ABCD2: variants seen among roughly 807,000 people sequenced by gnomAD.
ABCD2 encodes ATP binding cassette subfamily D member 2.
In ABCD2, 36 loss-of-function variants were observed where a neutral mutation model predicts 70.9. That is an observed-to-expected ratio of 0.51 (90% CI 0.39 to 0.67). ABCD2 has a LOEUF of 0.67. ABCD2 is among the 30% of genes least tolerant of loss of function. ABCD2 has a pLI of 0.00. For synonymous variants in ABCD2, 304 were observed against 306.9 expected, an observed-to-expected ratio of 0.99 and a Z score of 0.10; for missense variants, 729 against 890.2, an observed-to-expected ratio of 0.82 and a Z score of 2.30.
intron 6 of ABCD2, among the ~76,000 whole-genome samples, chr12:39,590,083 T>C (rs1941725142): frequency 6.6e-6 from 1 of 152,160 alleles, no homozygotes; most frequent in Non-Finnish European, 1.5e-5. Flanking sequence ...TAGCCAATGT[T>C]TATATAATTA....
intron 2 of ABCD2, 51 bp downstream of exon 2, chr12:39,616,937 A>C: frequency 6.7e-7 from 1 of 1,495,324 alleles, no homozygotes; most frequent in East Asian, 2.3e-5. Flanking sequence ...TGACAACTTC[A>C]AAAGAAATAA....
intron 9 of ABCD2, among the ~76,000 whole-genome samples, chr12:39,563,896 C>A (rs865864381): frequency 6.6e-6 from 1 of 152,002 alleles, no homozygotes; most frequent in African/African-American, 2.4e-5. Context: ...TTTGTCCTTG[C>A]GATAGTTTGC....
the ABCD2 span, among the ~76,000 whole-genome samples, chr12:39,534,639 C>CAGAA: frequency 2.9e-5 from 4 of 137,860 alleles, no homozygotes; most frequent in Admixed American, 7.9e-5. Context: ...CAGGGAGACC[C>CAGAA]AGAAAGAAAG....
rs969950364 is a variant in ABCD2 at position 39,553,812 on chromosome 12, CT to C, written c.*99del. 1.8e-5 allele frequency: 16 copies of C among 881,230 alleles called. No homozygotes were observed. Among genetic ancestry groups the C allele is most frequent in the South Asian group, 5.6e-5 (3 of 53,566 alleles). 54.6% of individuals were successfully genotyped at this position (881,230 alleles called of 1,614,324 possible). On this transcript the variant is annotated 3_prime_UTR_variant, in exon 10 of 10. Coordinates refer to ENST00000308666, the MANE Select transcript of ABCD2 (RefSeq NM_005164.4). ...AATCTTATAAAACATGTCTTGCTGCCTTTTTTTCTCTGTGCTTAGCTTAACA... is the reference window on the plus strand; with the variant it reads ...AATCTTATAAAACATGTCTTGCTGCCTTTTTTCTCTGTGCTTAGCTTAACA...
intron 2 of ABCD2, among the ~76,000 whole-genome samples, chr12:39,614,947 A>G (rs1208678307): frequency 6.6e-6 from 1 of 152,080 alleles, no homozygotes; most frequent in Admixed American, 6.6e-5. Flanking sequence ...TTCTTTTGAA[A>G]GAAGCTTTAA....
At chr12:39,599,978 T>C (rs1479715855) in intron 6 of ABCD2, among the ~76,000 whole-genome samples, 3 of 152,196 alleles carry the variant, frequency 2.0e-5, no homozygotes, top group Non-Finnish European at 4.4e-5. Flanking sequence ...TGTATAACTT[T>C]GAATTTTAGA....
Position 39,573,600 on chromosome 12 carries a change from A to G in ABCD2, c.2003+116T>C, listed in dbSNP as rs144071588. On this transcript the variant is annotated intron_variant, in intron 9 of 9. Transcript: ENST00000308666. ...TACTAATGTGCAACTTAAGAGAAAT[A>G]TGGGTAGAAAATAAGTGAAATACCC... 2.5e-4 allele frequency: 274 copies of G among 1,116,860 alleles called. No individual in the cohort carries two copies. In the African/African-American group the frequency reaches 4.1e-3, roughly 17 times the overall value. The allele number at this position is 1,116,860 out of a possible 1,614,324, so 69.2% of individuals were successfully genotyped here.
chr12:39,571,498 T>C (rs1479311007), intron 9 of ABCD2, among the ~76,000 whole-genome samples: 1 of 152,146 alleles, frequency 6.6e-6, no homozygotes, highest in African/African-American at 2.4e-5. Context: ...ATCTCACTCA[T>C]ACATGGTCAT....
chr12:39,573,572 A>G (rs908908063), intron 9 of ABCD2, 144 bp downstream of exon 9: 1 of 716,096 alleles, frequency 1.4e-6, no homozygotes, highest in Non-Finnish European at 2.1e-6. Flanking sequence ...GGAGTATCTA[A>G]GCTACTAATG....
At chr12:39,573,919 T>G in intron 8 of ABCD2, 78 bp from the exon 9 acceptor site, 1 of 1,375,156 alleles carries the variant, frequency 7.3e-7, no homozygotes, top group Non-Finnish European at 9.8e-7. Context: ...ATGAGTTGCA[T>G]TGCTAACAAT....
At chr12:39,565,495 G>T (rs1941331120) in intron 9 of ABCD2, among the ~76,000 whole-genome samples, 1 of 152,176 alleles carries the variant, frequency 6.6e-6, no homozygotes, top group Non-Finnish European at 1.5e-5. Flanking sequence ...CTGAGACTTT[G>T]CTGAAGTTGC....
Position 39,553,429 on chromosome 12 carries a change from AG to A in ABCD2, c.*482del, listed in dbSNP as rs1449138746. On this transcript the variant is annotated 3_prime_UTR_variant, in exon 10 of 10. Coordinates refer to ENST00000308666, the MANE Select transcript of ABCD2 (RefSeq NM_005164.4). ...TATAAAACTGTCAGCTATTTTGTAC[AG>A]GTTTAGTTGGCCACTAGCAATAATC... 1 of 152,312 alleles carries A rather than the reference AG, an allele frequency of 6.6e-6. No homozygotes were observed. The highest frequency in any genetic ancestry group is 6.5e-5 in the Admixed American group (1 of 15,276). 9.4% of individuals were successfully genotyped at this position (152,312 alleles called of 1,614,324 possible).
chr12:39,532,438 A>G, the ABCD2 span, among the ~76,000 whole-genome samples: 1 of 152,220 alleles, frequency 6.6e-6, no homozygotes, highest in Non-Finnish European at 1.5e-5. Flanking sequence ...TGCCAGTTTG[A>G]TAAACTTAAA....
rs115632274 is a variant in ABCD2, at chr12:39,578,196, C to T, written c.1877+1339G>A. On this transcript the variant is annotated intron_variant, in intron 8 of 9. Coordinates refer to ENST00000308666, the MANE Select transcript of ABCD2 (RefSeq NM_005164.4). ...AGACTTAATTATTAAAAGTGAGGGC[C>T]GGGTGAGGTGGCTTACGCCTGTAAT... is the stretch of plus-strand genomic sequence containing the variant. Among the ~76,000 whole-genome samples, 986 of 152,266 alleles carry T rather than the reference C, an allele frequency of 6.5e-3. 8 individuals are homozygous for T. Among genetic ancestry groups the T allele is most frequent in the African/African-American group, 0.023 (944 of 41,544 alleles).
chr12:39,594,156 G>C (rs1941783478), intron 6 of ABCD2, among the ~76,000 whole-genome samples: 1 of 151,982 alleles, frequency 6.6e-6, no homozygotes, highest in Non-Finnish European at 1.5e-5. Flanking sequence ...CAGGATAAAG[G>C]GTAGTAATTT....
In ABCD2 at chr12:39,573,709, CACTT is replaced by C; in HGVS notation, c.2003+3_2003+6del. The C allele has an allele frequency of 3.8e-6, 6 of 1,598,458 alleles. No homozygotes were observed. The highest frequency in any genetic ancestry group is 3.4e-6 in the Non-Finnish European group (4 of 1,174,030). On this transcript the variant is annotated splice_donor_5th_base_variant and intron_variant, in intron 9 of 9. Coordinates refer to ENST00000308666, the MANE Select transcript of ABCD2 (RefSeq NM_005164.4). ...ATCTACCACAAATTAGCACTAGAAACACTTACCAAAGAGAAGGTCTGTGTGTTAT... is the reference window on the plus strand; with the variant it reads ...ATCTACCACAAATTAGCACTAGAAACACCAAAGAGAAGGTCTGTGTGTTAT...
Position 39,573,806 on chromosome 12 carries a change from G to A in ABCD2, c.1913C>T (p.Ala638Val). ...CTTTCCTTCGACATCAATGCTGACA[G>A]CACTGGTACATTCATCCAGCAAGGC... is the stretch of plus-strand genomic sequence containing the variant. ...KYALLDECTS[A>V]VSIDVEGKIF... Residue 638 changes from alanine to valine, a missense_variant, in exon 9 of 10, where the codon GCT becomes GTT. Ala to Val is a moderately conservative substitution (Grantham distance 64). Around this residue, in one of 3 missense-constraint regions of ABCD2, gnomAD observed 289 missense variants for 328.8 expected, o/e 0.88. Transcript: ENST00000308666. 1 of 1,612,860 alleles carries A rather than the reference G, an allele frequency of 6.2e-7. No homozygotes were observed. The highest frequency in any genetic ancestry group is 8.5e-7 in the Non-Finnish European group (1 of 1,179,202).
At chr12:39,549,242 G>A (rs1181963808), downstream of ABCD2, among the ~76,000 whole-genome samples, 1 of 151,970 alleles carries the variant, frequency 6.6e-6, no homozygotes, top group African/African-American at 2.4e-5. Flanking sequence ...GTGTATTATT[G>A]AGGGAATCCT....
At chr12:39,555,600 T>G (rs571380175) in intron 9 of ABCD2, among the ~76,000 whole-genome samples, 11 of 152,130 alleles carry the variant, frequency 7.2e-5, no homozygotes, top group African/African-American at 2.2e-4. Context: ...TACCATCTAC[T>G]TGGGGAAAAG....
Sources: gnomAD v4.1 joint callset for allele counts (sites outside exome capture counted in the v4.1 genomes callset) on GRCh38, gnomAD v4.1.1 for gene constraint, gnomAD v4.1.1 regional missense constraint, MANE v1.5 for transcripts, NCBI Gene and HGNC (gene_info 2026-07-23, HGNC 2026-07-21) for gene names.